STON1: variants seen among roughly 807,000 people sequenced by gnomAD.
STON1 encodes the protein stonin 1.
STON1 carries 79 observed loss-of-function variants against 60.9 expected under a neutral mutation model. That is an observed-to-expected ratio of 1.30 (90% CI 1.08 to 1.56). The LOEUF (loss-of-function observed/expected upper bound fraction) is 1.56. STON1 is among the 40% of genes most tolerant of loss of function. STON1 has a pLI of 0.00. For synonymous variants in STON1, 363 were observed against 306.9 expected (o/e 1.18, Z -1.91); for missense variants, 1,166 against 858.9 (o/e 1.36, Z -4.47).
intron 3 of STON1, 83 bp downstream of exon 3, chr2:48,591,938 G>C: frequency 7.0e-7 from 1 of 1,431,152 alleles, no homozygotes; most frequent in South Asian, 1.4e-5. Flanking sequence ...TGTATGTGTT[G>C]TGTGTGTGTG....
At chr2:48,554,044 C>T (rs911471385) in intron 1 of STON1, among the ~76,000 whole-genome samples, 1 of 152,132 alleles carries the variant, frequency 6.6e-6, no homozygotes, top group African/African-American at 2.4e-5. Flanking sequence ...GAGCAGAACC[C>T]TGGGTGGTGT....
At chr2:48,556,849 A>ACCC (rs1335812792) in intron 1 of STON1, among the ~76,000 whole-genome samples, 1 of 34,662 alleles carries the variant, frequency 2.9e-5, no homozygotes, top group African/African-American at 1.4e-4. Flanking sequence ...GGGGGGGCTG[A>ACCC]CCCCCCCATC....
chr2:48,559,916 C>T (rs1276370176), intron 1 of STON1, among the ~76,000 whole-genome samples: 2 of 152,208 alleles, frequency 1.3e-5, no homozygotes, highest in African/African-American at 4.8e-5. Flanking sequence ...GGGTGACTCT[C>T]TGTAGATGGT....
At chr2:48,565,045 C>CTTTTTTTTTT (rs35791710) in intron 1 of STON1, among the ~76,000 whole-genome samples, 1 of 86,508 alleles carries the variant, frequency 1.2e-5, no homozygotes, top group Non-Finnish European at 2.1e-5. Context: ...CCGGCTTCTT[C>CTTTTTTTTTT]TTTTTTTTTT....
intron 1 of STON1, among the ~76,000 whole-genome samples, chr2:48,564,266 C>T (rs566302778): frequency 6.6e-6 from 1 of 152,218 alleles, no homozygotes; most frequent in Admixed American, 6.5e-5. Context: ...ATTTATTTCT[C>T]ACAGTTCCAG....
At chr2:48,534,438 C>T (rs1476955058) in intron 1 of STON1, among the ~76,000 whole-genome samples, 1 of 152,172 alleles carries the variant, frequency 6.6e-6, no homozygotes, top group Non-Finnish European at 1.5e-5. Flanking sequence ...ATCTCTGTCA[C>T]TACTGTCTAC....
At chr2:48,591,541 G>C in intron 2 of STON1, 112 bp from the exon 3 acceptor site, 2 of 1,420,214 alleles carry the variant, frequency 1.4e-6, no homozygotes, top group South Asian at 2.8e-5. Flanking sequence ...TTGCACTGCT[G>C]CAGTGCTAAT....
chr2:48,535,210 G>A (rs1452343631), intron 1 of STON1, among the ~76,000 whole-genome samples: 1 of 151,992 alleles, frequency 6.6e-6, no homozygotes, highest in Non-Finnish European at 1.5e-5. Flanking sequence ...GGGAAATAAA[G>A]GGTTTACCAT....
At chr2:48,549,810 CAAAAAAAA>C (rs59908100) in intron 1 of STON1, among the ~76,000 whole-genome samples, 1 of 78,098 alleles carries the variant, frequency 1.3e-5, no homozygotes, top group Non-Finnish European at 2.3e-5. Flanking sequence ...GACTCCATCT[CAAAAAAAA>C]AAAAAAAAAA....
Position 48,581,124 on chromosome 2 carries a change from G to T in STON1, c.491G>T (p.Gly164Val), listed in dbSNP as rs1673855378. The T allele has an allele frequency of 6.3e-7, 1 of 1,589,688 alleles. No individual in the cohort carries two copies. The highest frequency in any genetic ancestry group is 2.2e-5 in the East Asian group (1 of 44,808). The change falls in exon 2 of 4, where the codon GGA becomes GTA. Residue 164 changes from glycine to valine, a missense_variant. By Grantham distance (109) the Gly-to-Val change is moderately radical. Transcript: ENST00000404752. ...EVNPQQAESL[G>V]FQSDDLPQFQ... ...AATCCTCAACAGGCTGAAAGCCTAG[G>T]ATTCCAAAGTGATGATCTCCCCCAG...
At chr2:48,560,443 C>G (rs1354783722) in intron 1 of STON1, among the ~76,000 whole-genome samples, 2 of 152,166 alleles carry the variant, frequency 1.3e-5, no homozygotes, top group Non-Finnish European at 2.9e-5. Flanking sequence ...CTTTGAGTGC[C>G]CTGCTCTTTC....
At chr2:48,556,955 G>A (rs1572943876) in intron 1 of STON1, among the ~76,000 whole-genome samples, 1 of 32,792 alleles carries the variant, frequency 3.0e-5, no homozygotes, top group South Asian at 2.2e-3. Flanking sequence ...CGGACGGGGC[G>A]GCTGGCCGGG....
Position 48,580,926 on chromosome 2 carries a change from G to C in STON1, c.293G>C (p.Gly98Ala), listed in dbSNP as rs1475394242. 1 of 1,598,528 alleles carries C rather than the reference G, an allele frequency of 6.3e-7. No individual in the cohort carries two copies. The highest frequency in any genetic ancestry group is 8.5e-7 in the Non-Finnish European group (1 of 1,173,820). ...GGTTTTCCTGGCATCCCCAAAGCAG[G>C]GACTCATGTGCTTTATCCTATTCCA... Reference protein sequence around the residue: ...FPGFPGIPKAGTHVLYPIPES... With the variant: ...FPGFPGIPKAATHVLYPIPES... The change falls in exon 2 of 4, where the codon GGG becomes GCG. Residue 98 changes from glycine to alanine, a missense_variant. Coordinates refer to ENST00000404752, the MANE Select transcript of STON1 (RefSeq NM_006873.4).
chr2:48,546,187 T>C (rs1671858829), intron 1 of STON1, among the ~76,000 whole-genome samples: 1 of 152,220 alleles, frequency 6.6e-6, no homozygotes, highest in Admixed American at 6.5e-5. Context: ...CTGTTTATTG[T>C]CTCTTTTAAG....
rs770910345 is a variant in STON1 at position 48,582,500 on chromosome 2, A to C, written c.1867A>C (p.Lys623Gln). Residue 623 changes from lysine to glutamine, a missense_variant, in exon 2 of 4, where the codon AAA becomes CAA. Lys to Gln is a moderately conservative substitution (Grantham distance 53). Coordinates refer to ENST00000404752, the MANE Select transcript of STON1 (RefSeq NM_006873.4). ...CATTCAAGTCACTGTGGGGTCAGCA[A>C]AATATGAGAGTGCCTACCAGGCAGT... ...PVIQVTVGSA[K>Q]YESAYQAVVW... The C allele has an allele frequency of 1.2e-6, 2 of 1,614,188 alleles. No individual in the cohort carries two copies. The highest frequency in any genetic ancestry group is 2.2e-5 in the South Asian group (2 of 91,082).
chr2:48,582,071 A>G lies in STON1; in HGVS notation c.1438A>G (p.Ile480Val). 6.2e-7 allele frequency: 1 copy of G among 1,614,144 alleles called. No homozygotes were observed. The highest frequency in any genetic ancestry group is 1.1e-5 in the South Asian group (1 of 91,072). Reference sequence around the variant, plus strand: ...TGAGAAGGACTCAGAAAAAAAGGGGATTGATATTCTTGACTACCATTTTCA... The same window carrying G: ...TGAGAAGGACTCAGAAAAAAAGGGGGTTGATATTCTTGACTACCATTTTCA... ...YYEKDSEKKG[I>V]DILDYHFHKC... Residue 480 changes from isoleucine to valine, a missense_variant, in exon 2 of 4, where the codon ATT becomes GTT. Transcript: ENST00000404752.
At chr2:48,565,370 T>A (rs1672897038) in intron 1 of STON1, among the ~76,000 whole-genome samples, 1 of 152,000 alleles carries the variant, frequency 6.6e-6, no homozygotes. Context: ...CTTATACAGG[T>A]ACTAATCCTA....
chr2:48,543,083 TC>T (rs1365854211), intron 1 of STON1, among the ~76,000 whole-genome samples: 1 of 150,996 alleles, frequency 6.6e-6, no homozygotes, highest in Non-Finnish European at 1.5e-5. Context: ...TAAGCGATTC[TC>T]CTGCTTCAGC....
intron 1 of STON1, among the ~76,000 whole-genome samples, chr2:48,564,480 T>TTCTTCTTCTTTCTTCTTC (rs1558604783): frequency 3.1e-5 from 1 of 32,494 alleles, no homozygotes; most frequent in Admixed American, 2.9e-4. Context: ...CTTCTTCTTC[T>TTCTTCTTCTTTCTTCTTC]TTCTTCTTCT....
Sources: allele counts gnomAD v4.1 joint callset (sites outside exome capture counted in the v4.1 genomes callset), GRCh38; gene constraint gnomAD v4.1.1; transcripts MANE v1.5; gene names NCBI Gene and HGNC (gene_info 2026-07-23, HGNC 2026-07-21).